The following ASXL3 variants were observed in gnomAD, a reference collection of about 807,000 sequenced individuals.
ASXL3 encodes putative Polycomb group protein ASXL3.
In ASXL3, 34 loss-of-function variants were observed where a neutral mutation model predicts 170.6. That is an observed-to-expected ratio of 0.20 (90% CI 0.15 to 0.27). The LOEUF (loss-of-function observed/expected upper bound fraction) is 0.27. ASXL3 is among the 10% of genes least tolerant of loss of function. The pLI is 1.00. For missense variants in ASXL3, 2,592 were observed against 2,695.3 expected, an observed-to-expected ratio of 0.96 and a Z score of 0.85; for synonymous variants, 1,002 against 989.1, an observed-to-expected ratio of 1.01 and a Z score of -0.24.
intron 8 of ASXL3, among the ~76,000 whole-genome samples, chr18:33,716,264 A>G (rs2067163316): frequency 6.6e-6 from 1 of 152,214 alleles, no homozygotes; most frequent in African/African-American, 2.4e-5. Context: ...CCCGTGGAAC[A>G]TAGAGAGCAG....
At chr18:33,662,639 TTTAA>T (rs1293476778) in intron 5 of ASXL3, among the ~76,000 whole-genome samples, 8 of 152,110 alleles carry the variant, frequency 5.3e-5, no homozygotes, top group African/African-American at 1.9e-4. Flanking sequence ...GGTTCACGTA[TTTAA>T]TTCTGAATTC....
At chr18:33,586,643 C>T (rs1402065236) in intron 1 of ASXL3, among the ~76,000 whole-genome samples, 1 of 151,994 alleles carries the variant, frequency 6.6e-6, no homozygotes, top group Non-Finnish European at 1.5e-5. Context: ...ATGTTTCCTC[C>T]CCCTCCTCTT....
At chr18:33,582,303 C>G (rs2065000346) in intron 1 of ASXL3, among the ~76,000 whole-genome samples, 1 of 152,148 alleles carries the variant, frequency 6.6e-6, no homozygotes, top group Non-Finnish European at 1.5e-5. Flanking sequence ...GATCTTCATG[C>G]TTCTTTGTAA....
intron 4 of ASXL3, among the ~76,000 whole-genome samples, chr18:33,648,154 G>A (rs1197217715): frequency 6.6e-6 from 1 of 152,106 alleles, no homozygotes; most frequent in Non-Finnish European, 1.5e-5. Context: ...GTAGAGTTTT[G>A]AGCTAGAAAG....
At chr18:33,740,481 A>AC (rs2067645041) in intron 11 of ASXL3, 38 bp downstream of exon 11, 2 of 1,474,232 alleles carry the variant, frequency 1.4e-6, no homozygotes, top group African/African-American at 2.8e-5. Context: ...TTCCGTAGAT[A>AC]GGCTTTTCCT....
intron 1 of ASXL3, among the ~76,000 whole-genome samples, chr18:33,593,483 C>T (rs1197079177): frequency 6.6e-6 from 1 of 152,016 alleles, no homozygotes; most frequent in East Asian, 1.9e-4. Flanking sequence ...TGAGCCCAAC[C>T]CCTTCATGTA....
At chr18:33,679,455 GTC>G (rs1282226566) in intron 7 of ASXL3, among the ~76,000 whole-genome samples, 1 of 152,038 alleles carries the variant, frequency 6.6e-6, no homozygotes, top group Non-Finnish European at 1.5e-5. Context: ...GGCTAATACA[GTC>G]TCTCTCATAT....
intron 8 of ASXL3, among the ~76,000 whole-genome samples, chr18:33,708,505 T>G (rs1216244083): frequency 1.3e-5 from 2 of 152,206 alleles, no homozygotes; most frequent in Non-Finnish European, 2.9e-5. Context: ...GTATATAATA[T>G]TGAGTCTTCC....
At chr18:33,716,499 A>G (rs1462930183) in intron 8 of ASXL3, among the ~76,000 whole-genome samples, 1 of 152,180 alleles carries the variant, frequency 6.6e-6, no homozygotes, top group Non-Finnish European at 1.5e-5. Flanking sequence ...CATGTTGCTA[A>G]TTGTGGCATA....
At chr18:33,713,244 T>TAACAAACCCTGA (rs2067103663) in intron 8 of ASXL3, among the ~76,000 whole-genome samples, 1 of 67,050 alleles carries the variant, frequency 1.5e-5, no homozygotes, top group Non-Finnish European at 2.8e-5. Context: ...TTTTGTTTTG[T>TAACAAACCCTGA]TTTGTTTTTT....
chr18:33,674,680 G>A (rs1002077061), intron 7 of ASXL3, among the ~76,000 whole-genome samples: 3 of 150,770 alleles, frequency 2.0e-5, no homozygotes, highest in Admixed American at 2.0e-4. Flanking sequence ...GTGCAGTGGT[G>A]CGATCTCGGC....
chr18:33,660,441 A>C (rs149106315), intron 4 of ASXL3, among the ~76,000 whole-genome samples: 2 of 152,240 alleles, frequency 1.3e-5, no homozygotes, highest in Non-Finnish European at 2.9e-5. Context: ...CTCAAGGTGC[A>C]TATGCCTGTG....
chr18:33,703,753 GTCAGAACTTAAGTGAC>G (rs1327121081), intron 8 of ASXL3, among the ~76,000 whole-genome samples: 1 of 152,088 alleles, frequency 6.6e-6, no homozygotes, highest in African/African-American at 2.4e-5. Flanking sequence ...GAATGGATGG[GTCAGAACTTAAGTGAC>G]ACAGATTCTT....
chr18:33,707,423 T>G (rs1050400128), intron 8 of ASXL3, among the ~76,000 whole-genome samples: 1 of 151,972 alleles, frequency 6.6e-6, no homozygotes, highest in African/African-American at 2.4e-5. Flanking sequence ...TTAGGAAAGG[T>G]AGTACATCAT....
chr18:33,678,264 G>A (rs2066461805), intron 7 of ASXL3, among the ~76,000 whole-genome samples: 1 of 152,034 alleles, frequency 6.6e-6, no homozygotes, highest in African/African-American at 2.4e-5. Context: ...CTAATTCCTT[G>A]AGATCATGAA....
At chr18:33,670,831 T>A in intron 6 of ASXL3, 41 bp downstream of exon 6, 1 of 1,293,062 alleles carries the variant, frequency 7.7e-7, no homozygotes, top group Non-Finnish European at 1.1e-6. Context: ...AGTTTCTTCC[T>A]GGAGGAGACT....
intron 8 of ASXL3, among the ~76,000 whole-genome samples, chr18:33,704,978 T>C (rs2066933865): frequency 6.6e-6 from 1 of 151,856 alleles, no homozygotes. Context: ...TAATGTTTTA[T>C]CCATTCAGAA....
intron 7 of ASXL3, 28 bp downstream of exon 7, chr18:33,671,894 C>T: frequency 6.8e-7 from 1 of 1,465,126 alleles, no homozygotes; most frequent in Non-Finnish European, 9.1e-7. Flanking sequence ...TATGCCATTT[C>T]ACATTTTAGA....
intron 5 of ASXL3, among the ~76,000 whole-genome samples, chr18:33,665,794 A>G (rs1312019258): frequency 2.0e-5 from 3 of 152,020 alleles, no homozygotes; most frequent in African/African-American, 7.2e-5. Context: ...GTATTGCAAT[A>G]TGTCACTGGA....
Sources: allele counts gnomAD v4.1 joint callset (sites outside exome capture counted in the v4.1 genomes callset), GRCh38; gene constraint gnomAD v4.1.1; transcripts MANE v1.5; gene names NCBI Gene and HGNC (gene_info 2026-07-23, HGNC 2026-07-21).